Variants in OSBPL10 observed in about 807,000 individuals in gnomAD.
OSBPL10 encodes oxysterol binding protein like 10, also known as oxysterol-binding protein-related protein 10.
In OSBPL10, 49 loss-of-function variants were observed where a neutral mutation model predicts 81.7. That is an observed-to-expected ratio of 0.60 (90% confidence interval 0.48 to 0.76). The LOEUF is 0.76. Among genes scored for constraint, OSBPL10 ranks in the 30% least tolerant of loss-of-function variants. The pLI, the probability that OSBPL10 is intolerant of heterozygous loss-of-function variation, is 0.00. For synonymous variants in OSBPL10, 419 were observed against 383.6 expected, an observed-to-expected ratio of 1.09 and a Z score of -1.08; for missense variants, 923 against 987.8, an observed-to-expected ratio of 0.93 and a Z score of 0.88.
At position 31,683,721 on chromosome 3, in the gene OSBPL10, C is replaced by G. The variant is rs139317397; in HGVS notation, c.1639G>C (p.Glu547Gln). 6.2e-7 allele frequency: 1 copy of G among 1,614,184 alleles called. No homozygotes were observed. The highest frequency in any genetic ancestry group is 1.1e-5 in the South Asian group (1 of 91,080). Residue 547 changes from glutamate (E) to glutamine (Q), a missense_variant, in exon 8 of 12, where the codon GAG becomes CAG. By Grantham distance (29) the Glu-to-Gln change is conservative (BLOSUM62 2). Coordinates refer to ENST00000396556, the MANE Select transcript of OSBPL10 (RefSeq NM_017784.5). ...GTGTTGACGCACAGTCTCTTCTCCT[C>G]GCACTCACAGTAGAAGCAGGAGATG... ...PPISCFYCECEEKRLCVNTHV... is the reference protein window; with the variant it reads ...PPISCFYCECQEKRLCVNTHV...
At position 32,061,345 on chromosome 3, in the gene OSBPL10, C is replaced by G. The variant is rs1378465728; in HGVS notation, n.186-14742G>C. On this transcript the variant is annotated intron_variant and non_coding_transcript_variant, in intron 1 of 3. Coordinates refer to the OSBPL10 transcript ENST00000479173. Reference sequence around the variant, plus strand: ...CCCAGCCCAGGCCACCTGGTAGGAGCTCAATATATATTTATTATATAAGTG... The same window carrying G: ...CCCAGCCCAGGCCACCTGGTAGGAGGTCAATATATATTTATTATATAAGTG... Among the ~76,000 whole-genome samples, 5 of 92,756 alleles carry G rather than the reference C, an allele frequency of 5.4e-5. 1 individual carries two copies. The highest frequency in any genetic ancestry group is 1.4e-4 in the African/African-American group (5 of 36,020). 60.9% of individuals were successfully genotyped at this position (92,756 alleles called of 152,430 possible).
chr3:31,879,815 A>C lies in OSBPL10; in HGVS notation c.297T>G (p.Asp99Glu). 1 of 1,613,930 alleles carries C rather than the reference A, an allele frequency of 6.2e-7. No homozygotes were observed. The highest frequency in any genetic ancestry group is 8.5e-7 in the Non-Finnish European group (1 of 1,179,940). ...QGWQNRYFVL[D>E]FEAGILQYFV... ...AATACTGCAGGATGCCAGCCTCGAA[A>C]TCCAGTACGAAGTACCTGCACAGAG... is the stretch of plus-strand genomic sequence containing the variant. The change falls in exon 2 of 12, where the codon GAT becomes GAG. Residue 99 changes from aspartate to glutamate, a missense_variant. By Grantham distance (45) the Asp-to-Glu change is conservative. Transcript: ENST00000396556.
upstream of OSBPL10, among the ~76,000 whole-genome samples, chr3:31,984,024 T>G (rs887805156): frequency 7.3e-6 from 1 of 137,570 alleles, no homozygotes; most frequent in Non-Finnish European, 1.6e-5. Flanking sequence ...GCCTAAGGGG[T>G]TTTTTTTGTT....
chr3:31,697,866 G>T lies in OSBPL10; in HGVS notation c.1245+4493C>A, dbSNP rs570514017. On this transcript the variant is annotated intron_variant, in intron 7 of 11. Transcript: ENST00000396556. ...CAACCTCCGCCTCCCGAGTTCAAGC[G>T]ATTCTCCTGCCTCAGCCTCCCAAGT... is the stretch of plus-strand genomic sequence containing the variant. Among the ~76,000 whole-genome samples the T allele has an allele frequency of 2.6e-5, 4 of 151,954 alleles. No homozygotes were observed. In the East Asian group the frequency reaches 5.8e-4, roughly 22 times the overall value.
At chr3:31,927,787 T>C (rs997324811) in intron 1 of OSBPL10, among the ~76,000 whole-genome samples, 3 of 152,172 alleles carry the variant, frequency 2.0e-5, no homozygotes, top group African/African-American at 7.2e-5. Flanking sequence ...GAACACCTTA[T>C]CTAAAACATG....
intron 1 of OSBPL10, among the ~76,000 whole-genome samples, chr3:31,894,420 C>T (rs1386169037): frequency 6.6e-6 from 1 of 152,196 alleles, no homozygotes; most frequent in Admixed American, 6.5e-5. Context: ...ACAGAAAGGA[C>T]AGAGTGACCA....
rs143779338 is a variant in OSBPL10, at chr3:31,842,512, T to C, written c.538-12281A>G. ...ACAGGAAATGCAAAAGAAAAGTTGT[T>C]GGGCTTTACATAAAACACAAAAGCT... On this transcript the variant is annotated intron_variant, in intron 3 of 11. Transcript: ENST00000396556. Among the ~76,000 whole-genome samples the C allele has an allele frequency of 9.2e-4, 140 of 152,300 alleles. 2 individuals carry two copies. In the East Asian group the frequency reaches 0.016, roughly 17 times the overall value.
At chr3:31,976,862 C>T (rs12485595) in intron 1 of OSBPL10, among the ~76,000 whole-genome samples, 12,525 of 152,210 alleles carry the variant, frequency 0.082, 1,062 homozygotes, top group East Asian at 0.48. Flanking sequence ...GTTCCACGTT[C>T]GCAGTGTCTT....
intron 2 of OSBPL10, among the ~76,000 whole-genome samples, chr3:31,988,133 C>T (rs949309954): frequency 1.4e-4 from 21 of 152,182 alleles, no homozygotes; most frequent in African/African-American, 3.6e-4. Flanking sequence ...CTCCTGTTTC[C>T]GCCTCTTTGA....
chr3:31,952,093 TAAACA>T (rs1355445476), intron 1 of OSBPL10, among the ~76,000 whole-genome samples: 2 of 151,926 alleles, frequency 1.3e-5, no homozygotes, highest in Non-Finnish European at 2.9e-5. Context: ...ATAGTCATAT[TAAACA>T]AAAGACTCTT....
chr3:31,678,781 A>ATTGTGT (rs1559411581), intron 8 of OSBPL10, among the ~76,000 whole-genome samples: 1 of 99,212 alleles, frequency 1.0e-5, no homozygotes, highest in Non-Finnish European at 2.0e-5. Context: ...ACAGATTCAA[A>ATTGTGT]CTGTGTGTGT....
chr3:31,896,651 CATT>C (rs1307274908), intron 1 of OSBPL10, among the ~76,000 whole-genome samples: 7 of 152,250 alleles, frequency 4.6e-5, no homozygotes, highest in Non-Finnish European at 1.5e-5. Flanking sequence ...CCATCCACAT[CATT>C]GTCATGGGCA....
chr3:32,077,639 T>C (rs570452945), upstream of OSBPL10: 83 of 152,178 alleles, frequency 5.5e-4, no homozygotes, highest in African/African-American at 1.5e-3. Context: ...CATGCTCACC[T>C]CCCAAGGGTA....
intron 1 of OSBPL10, among the ~76,000 whole-genome samples, chr3:31,927,843 A>G (rs1185450999): frequency 6.6e-6 from 1 of 152,182 alleles, no homozygotes; most frequent in Non-Finnish European, 1.5e-5. Context: ...CCAGGCACAG[A>G]GTCTGTAGCC....
intron 4 of OSBPL10, among the ~76,000 whole-genome samples, chr3:31,797,060 T>A (rs1450157848): frequency 1.4e-5 from 2 of 142,814 alleles, no homozygotes; most frequent in Non-Finnish European, 3.0e-5. Context: ...AATGGCGCCA[T>A]CTTGGCTCAC....
chr3:31,842,967 T>C (rs1302015928), intron 3 of OSBPL10, among the ~76,000 whole-genome samples: 1 of 152,186 alleles, frequency 6.6e-6, no homozygotes, highest in African/African-American at 2.4e-5. Context: ...GAGGTGGCTA[T>C]AAGCAGCGAC....
intron 6 of OSBPL10, among the ~76,000 whole-genome samples, chr3:31,706,519 A>C (rs1167673521): frequency 1.3e-5 from 2 of 151,598 alleles, no homozygotes; most frequent in African/African-American, 4.8e-5. Flanking sequence ...CTCTGCCCTT[A>C]ACCATGGGCC....
At position 31,880,761 on chromosome 3, in the gene OSBPL10, G is replaced by A. The variant is rs79346026; in HGVS notation, c.282-931C>T. Among the ~76,000 whole-genome samples the A allele has an allele frequency of 2.0e-3, 297 of 152,298 alleles. 3 individuals carry two copies. The East Asian group carries it at 0.037, about 19-fold the overall frequency. On this transcript the variant is annotated intron_variant, in intron 1 of 11. Transcript: ENST00000396556. The stretch of plus-strand genomic sequence containing the variant: ...TTGCTGTCTGGAGCAGTTACTCAAA[G>A]TGTGGTCTGCAAATTTTGACGGTCT...
At chr3:31,854,885 T>C (rs915474132) in intron 3 of OSBPL10, among the ~76,000 whole-genome samples, 1 of 152,266 alleles carries the variant, frequency 6.6e-6, no homozygotes, top group Non-Finnish European at 1.5e-5. Context: ...ATATTCTCTG[T>C]ATAACCACAG....
Sources: gnomAD v4.1 joint callset for allele counts (sites outside exome capture counted in the v4.1 genomes callset) on GRCh38, gnomAD v4.1.1 for gene constraint, MANE v1.5 for transcripts, NCBI Gene and HGNC (gene_info 2026-07-23, HGNC 2026-07-21) for gene names.